Variants in CACNA1H observed in about 807,000 individuals in gnomAD.
CACNA1H encodes voltage-dependent T-type calcium channel subunit alpha-1H.
In CACNA1H, 149 loss-of-function variants were observed where a neutral mutation model predicts 192.5. That is an observed-to-expected ratio of 0.77 (90% confidence interval 0.68 to 0.89). The LOEUF is 0.89. Ranked by LOEUF, CACNA1H falls within the 40% of genes least tolerant of loss-of-function variation. CACNA1H has a pLI of 0.00. For synonymous variants in CACNA1H, 2,202 were observed against 1,475.2 expected (o/e 1.49, Z -11.29); for missense variants, 4,257 against 3,423.5 (o/e 1.24, Z -6.08).
intron 26 of CACNA1H, among the ~76,000 whole-genome samples, chr16:1,212,872 T>C (rs1202985021): frequency 2.6e-5 from 4 of 152,202 alleles, no homozygotes; most frequent in African/African-American, 9.7e-5. Context: ...CTGCCCGGGC[T>C]GCGCTGAGTG....
chr16:1,180,614 C>T lies in CACNA1H; in HGVS notation c.300-14358C>T, dbSNP rs778862704. On this transcript the variant is annotated intron_variant, in intron 2 of 34. Transcript: ENST00000348261. This position sits in a 1 kb window ranked among gnomAD's most constrained non-coding sequence, Gnocchi z 4.4. ...GGAGGGGCTGCTCTCCATAGTGTGT[C>T]GGGTGGGGAGTGGCCCACCTGGCCT... 4.4e-5 allele frequency among the ~76,000 whole-genome samples: 6 copies of T among 137,492 alleles called. No individual in the cohort carries two copies. In the East Asian group the frequency reaches 7.8e-4, roughly 18 times the overall value. 90.2% of individuals were successfully genotyped at this position (137,492 alleles called of 152,430 possible).
intron 9 of CACNA1H, among the ~76,000 whole-genome samples, chr16:1,203,674 C>T (rs945338235): frequency 6.6e-6 from 1 of 152,226 alleles, no homozygotes; most frequent in East Asian, 1.9e-4. Flanking sequence ...CTCTCCTCGC[C>T]TCTCCTAAGT....
In CACNA1H at chr16:1,212,149, CCCGGTG is replaced by C. The variant is rs770218094; in HGVS notation, c.4759+12_4759+17del. On this transcript the variant is annotated intron_variant, in intron 25 of 34. Coordinates refer to ENST00000348261, the MANE Select transcript of CACNA1H (RefSeq NM_021098.3). Reference sequence around the variant, plus strand: ...AGAGGAGGCGCAGGAGTAAGGCGCTCCCGGTGGCGGTGGCGGTGGCGGGTCGGTACC... The same window carrying C: ...AGAGGAGGCGCAGGAGTAAGGCGCTCGCGGTGGCGGTGGCGGGTCGGTACC... 85 of 1,598,924 alleles carry C rather than the reference CCCGGTG, an allele frequency of 5.3e-5. No homozygotes were observed. The highest frequency in any genetic ancestry group is 1.3e-5 in the African/African-American group (1 of 74,850).
rs371026871 is a variant in CACNA1H, at chr16:1,204,317, C to T, written c.2310C>T (p.Gly770=). The T allele has an allele frequency of 1.3e-4, 212 of 1,598,786 alleles. No homozygotes were observed. The African/African-American group carries it at 2.0e-3, about 15-fold the overall frequency. Residue 770 remains glycine (G), a synonymous_variant, in exon 10 of 35, where the codon GGC becomes GGT. Coordinates refer to ENST00000348261, the MANE Select transcript of CACNA1H (RefSeq NM_021098.3). ...QRRAQQRAAP[G]EPGWMGRLWV... is the part of the protein sequence containing the mutation. Reference sequence around the variant, plus strand: ...GGGCACAGCAGAGGGCAGCCCCGGGCGAGCCAGGCTGGATGGGCCGCCTCT... The same window carrying T: ...GGGCACAGCAGAGGGCAGCCCCGGGTGAGCCAGGCTGGATGGGCCGCCTCT...
intron 26 of CACNA1H, among the ~76,000 whole-genome samples, 196 bp from the exon 27 acceptor site, chr16:1,213,584 C>T (rs1969710187): frequency 6.6e-6 from 1 of 152,188 alleles, no homozygotes; most frequent in Non-Finnish European, 1.5e-5. Flanking sequence ...GAACAGGGTC[C>T]TTTTCCTGAG....
Position 1,204,438 on chromosome 16 carries a change from G to C in CACNA1H, c.2431G>C (p.Gly811Arg). Residue 811 changes from glycine (G) to arginine (R), a missense_variant, in exon 10 of 35, where the codon GGC becomes CGC. Transcript: ENST00000348261. ...MAILVNTLSMGVEYHEQPEEL... is the reference protein window; with the variant it reads ...MAILVNTLSMRVEYHEQPEEL... ...CATCCTTGTCAACACGCTGAGCATG[G>C]GCGTGGAGTACCATGAGCAGGTGCG... The C allele has an allele frequency of 6.5e-7, 1 of 1,540,422 alleles. No individual in the cohort carries two copies. The highest frequency in any genetic ancestry group is 8.7e-7 in the Non-Finnish European group (1 of 1,144,532).
At chr16:1,156,344 T>C (rs1172908635) in intron 2 of CACNA1H, among the ~76,000 whole-genome samples, 1 of 151,938 alleles carries the variant, frequency 6.6e-6, no homozygotes, top group East Asian at 1.9e-4. Flanking sequence ...TGGGGGTGGG[T>C]GTGACCACCA....
chr16:1,174,456 G>C (rs1964668486), intron 2 of CACNA1H, among the ~76,000 whole-genome samples: 1 of 151,968 alleles, frequency 6.6e-6, no homozygotes, highest in African/African-American at 2.4e-5. Flanking sequence ...GCTGCGGTCA[G>C]CACAGCCCAC....
At chr16:1,164,742 T>C (rs1193725909) in intron 2 of CACNA1H, among the ~76,000 whole-genome samples, 1 of 152,130 alleles carries the variant, frequency 6.6e-6, no homozygotes, top group African/African-American at 2.4e-5. Context: ...AGGGGCCTCC[T>C]GGGGTTCTGT....
rs369051137 is a variant in CACNA1H at position 1,220,781 on chromosome 16, C to T, written c.6849C>T (p.Asp2283=). 1.0e-4 allele frequency: 166 copies of T among 1,612,624 alleles called. No homozygotes were observed. Among genetic ancestry groups the T allele is most frequent in the Non-Finnish European group, 1.3e-4 (152 of 1,179,764 alleles). The change falls in exon 35 of 35, where the codon GAC becomes GAT. Residue 2283 remains aspartate, a synonymous_variant. Coordinates refer to ENST00000348261, the MANE Select transcript of CACNA1H (RefSeq NM_021098.3). ...TCCCCAGTGGAGACCCTTTCTTGGA[C>T]GGTAGCCACAGTGTGACCCCAGAAT... ...LGVPSGDPFL[D]GSHSVTPESR...
chr16:1,211,398 CG>C, intron 22 of CACNA1H, 82 bp from the exon 23 acceptor site: 1 of 1,605,898 alleles, frequency 6.2e-7, no homozygotes, highest in Non-Finnish European at 8.5e-7. Flanking sequence ...AGGGACAGCT[CG>C]GGCCTCACTC....
intron 9 of CACNA1H, among the ~76,000 whole-genome samples, chr16:1,203,238 G>A (rs967780996): frequency 3.3e-5 from 5 of 152,318 alleles, no homozygotes; most frequent in African/African-American, 1.2e-4. Context: ...AGGCACACGG[G>A]CTCCAAAGAC....
Position 1,201,917 on chromosome 16 carries a change from G to C in CACNA1H, c.1467G>C (p.Lys489Asn). 1 of 1,550,194 alleles carries C rather than the reference G, an allele frequency of 6.5e-7. No individual in the cohort carries two copies. The highest frequency in any genetic ancestry group is 1.4e-5 in the African/African-American group (1 of 73,180). The part of the protein sequence containing the change: ...YARWQSRWRK[K>N]VDPSAVQGQG... ...GCTGGCAGAGCCGCTGGCGCAAGAA[G>C]GTGGACCCCAGTGCTGTGCAAGGCC... is the stretch of plus-strand genomic sequence containing the variant. Residue 489 changes from lysine to asparagine, a missense_variant, in exon 9 of 35, where the codon AAG (lysine) becomes AAC (asparagine). Lys to Asn is a moderately conservative substitution (Grantham distance 94). Coordinates refer to ENST00000348261, the MANE Select transcript of CACNA1H (RefSeq NM_021098.3).
At chr16:1,156,099 G>C (rs188999302) in intron 2 of CACNA1H, among the ~76,000 whole-genome samples, 2 of 152,164 alleles carry the variant, frequency 1.3e-5, no homozygotes, top group Non-Finnish European at 2.9e-5. Flanking sequence ...CCCTTCGATG[G>C]CATCCCTTGC....
At chr16:1,198,806 C>T (rs1049964592) in intron 6 of CACNA1H, 32 bp downstream of exon 6, 3 of 1,584,174 alleles carry the variant, frequency 1.9e-6, no homozygotes, top group Non-Finnish European at 1.7e-6. Flanking sequence ...GAGGCCCCTG[C>T]CCAGATGGCC....
chr16:1,153,684 C>G (rs1961884048), intron 1 of CACNA1H, 36 bp from the exon 2 acceptor site: 1 of 1,159,966 alleles, frequency 8.6e-7, no homozygotes, highest in African/African-American at 1.6e-5. Flanking sequence ...GCGGGGGCGT[C>G]GCCACCGGCC....
At chr16:1,207,952 G>C in intron 15 of CACNA1H, 61 bp from the exon 16 acceptor site, 3 of 1,548,802 alleles carry the variant, frequency 1.9e-6, no homozygotes, top group Non-Finnish European at 1.8e-6. Flanking sequence ...CCTAGGTTGG[G>C]GGATTCCTGG....
At chr16:1,174,850 G>A (rs1353231775) in intron 2 of CACNA1H, among the ~76,000 whole-genome samples, 4 of 151,880 alleles carry the variant, frequency 2.6e-5, no homozygotes, top group African/African-American at 4.8e-5. Flanking sequence ...GAGGCTCCCC[G>A]GGGCCCAGGT....
chr16:1,179,101 C>T (rs947131744), intron 2 of CACNA1H, among the ~76,000 whole-genome samples: 2 of 152,284 alleles, frequency 1.3e-5, no homozygotes, highest in East Asian at 1.9e-4. Flanking sequence ...CCTCCCTGCA[C>T]ACTGTTACTC....
Sources: gnomAD v4.1 joint callset for allele counts (sites outside exome capture counted in the v4.1 genomes callset) on GRCh38, gnomAD v4.1.1 for gene constraint, Gnocchi (gnomAD v3.1) non-coding constraint, MANE v1.5 for transcripts, NCBI Gene and HGNC (gene_info 2026-07-23, HGNC 2026-07-21) for gene names.